CHST9: variants seen among roughly 807,000 people sequenced by gnomAD.
The protein encoded by CHST9 is GalNAc-4-sulfotransferase 2.
A neutral mutation model predicts 44.4 loss-of-function variants in CHST9; 41 were observed. The ratio of observed to expected loss-of-function variants is 0.92; its 90% CI spans 0.72 to 1.20. The LOEUF is 1.20. Ranked by LOEUF, CHST9 falls within the 50% of genes most tolerant of loss-of-function variation. CHST9 has a pLI of 0.00. For synonymous variants in CHST9, 171 were observed against 178.4 expected (o/e 0.96, Z 0.33); for missense variants, 504 against 516.5 (o/e 0.98, Z 0.23).
chr18:27,103,383 C>T (rs2058191839), intron 2 of CHST9, among the ~76,000 whole-genome samples: 2 of 152,196 alleles, frequency 1.3e-5, no homozygotes, highest in South Asian at 4.1e-4. Context: ...ACAGGCAGTG[C>T]CTCTGGTTTA....
intron 2 of CHST9, among the ~76,000 whole-genome samples, chr18:27,051,945 C>T (rs1049456306): frequency 6.6e-6 from 1 of 152,074 alleles, no homozygotes; most frequent in Non-Finnish European, 1.5e-5. Flanking sequence ...CTCTGGAATG[C>T]TATGAGGATG....
intron 2 of CHST9, among the ~76,000 whole-genome samples, chr18:27,105,614 T>C (rs932630519): frequency 6.6e-6 from 1 of 152,284 alleles, no homozygotes; most frequent in East Asian, 1.9e-4. Context: ...TGCAATGAAT[T>C]ACACCTCTTT....
At chr18:27,057,214 T>G (rs1451664044) in intron 2 of CHST9, among the ~76,000 whole-genome samples, 1 of 152,214 alleles carries the variant, frequency 6.6e-6, no homozygotes, top group Non-Finnish European at 1.5e-5. Context: ...GATAGGTAAA[T>G]GCTATCTTTC....
At position 26,917,153 on chromosome 18, in the gene CHST9, G is replaced by T. The variant is rs1450887395; in HGVS notation, c.438C>A (p.Phe146Leu). 4.3e-6 allele frequency: 7 copies of T among 1,613,878 alleles called. No individual in the cohort carries two copies. Among genetic ancestry groups the T allele is most frequent in the Non-Finnish European group, 5.9e-6 (7 of 1,179,850 alleles). Residue 146 changes from phenylalanine to leucine, a missense_variant, in exon 6 of 6, where the codon TTC becomes TTA. Physicochemically the swap from Phe to Leu is conservative, Grantham distance 22. Transcript: ENST00000618847. ...TGTCCACTGGCCAATTCATGTTGCTGAACTTGTTAAAAACAGTCTTAGCTC... is the reference window on the plus strand; with the variant it reads ...TGTCCACTGGCCAATTCATGTTGCTTAACTTGTTAAAAACAGTCTTAGCTC... The part of the protein sequence containing the change: ...RQGAKTVFNK[F>L]SNMNWPVDIH...
chr18:27,161,961 G>T (rs940504004), intron 1 of CHST9, among the ~76,000 whole-genome samples: 1 of 151,464 alleles, frequency 6.6e-6, no homozygotes, highest in Non-Finnish European at 1.5e-5. Context: ...CATTTGCTTG[G>T]TAGATCTTCC....
intron 5 of CHST9, among the ~76,000 whole-genome samples, chr18:26,943,249 C>T (rs1242119379): frequency 2.6e-5 from 4 of 152,172 alleles, no homozygotes; most frequent in Admixed American, 2.0e-4. Context: ...TATTTAAAAA[C>T]AAAATGGCAC....
chr18:27,059,758 C>T (rs547580318), intron 2 of CHST9, among the ~76,000 whole-genome samples: 1 of 152,252 alleles, frequency 6.6e-6, no homozygotes, highest in South Asian at 2.1e-4. Context: ...GATGTCAGTA[C>T]AGGTTTTAAT....
At chr18:27,011,042 T>C (rs756900241) in intron 4 of CHST9, among the ~76,000 whole-genome samples, 9 of 152,080 alleles carry the variant, frequency 5.9e-5, no homozygotes, top group Non-Finnish European at 1.2e-4. Flanking sequence ...TGATTTCTGA[T>C]ATGCAGCCAA....
chr18:26,970,023 C>T (rs780049965), intron 4 of CHST9, among the ~76,000 whole-genome samples: 1 of 152,142 alleles, frequency 6.6e-6, no homozygotes, highest in Non-Finnish European at 1.5e-5. Context: ...ATTGGTAGGT[C>T]CAGAGCACCT....
intron 4 of CHST9, 25 bp from the exon 5 acceptor site, chr18:26,944,391 T>A (rs1315008431): frequency 1.3e-6 from 2 of 1,560,650 alleles, no homozygotes; most frequent in Non-Finnish European, 1.8e-6. Context: ...AAAAAGAATT[T>A]TTACATTAAA....
At chr18:27,090,166 T>A (rs12969936) in intron 2 of CHST9, among the ~76,000 whole-genome samples, 51,989 of 152,026 alleles carry the variant, frequency 0.34, 9,339 homozygotes, top group Non-Finnish European at 0.4. Flanking sequence ...TATCTCATTG[T>A]GGTTTTGATT....
intron 2 of CHST9, among the ~76,000 whole-genome samples, chr18:27,088,179 G>A (rs1456157110): frequency 2.0e-5 from 3 of 152,100 alleles, no homozygotes; most frequent in African/African-American, 4.8e-5. Context: ...AATGAGAGGG[G>A]AATTTACATA....
At chr18:27,043,368 T>C (rs2057466160) in intron 3 of CHST9, among the ~76,000 whole-genome samples, 1 of 151,998 alleles carries the variant, frequency 6.6e-6, no homozygotes, top group African/African-American at 2.4e-5. Context: ...CAAAATTCTG[T>C]CCCCATATCA....
chr18:27,041,985 T>C (rs911557066), intron 3 of CHST9, among the ~76,000 whole-genome samples: 2 of 152,056 alleles, frequency 1.3e-5, no homozygotes, highest in South Asian at 4.2e-4. Flanking sequence ...AAAAATAGAC[T>C]TCATTAACAT....
chr18:27,058,466 G>A (rs1001276425), intron 2 of CHST9, among the ~76,000 whole-genome samples: 1 of 152,138 alleles, frequency 6.6e-6, no homozygotes, highest in East Asian at 1.9e-4. Flanking sequence ...TACCCAGTCG[G>A]ATACAGCAGA....
At chr18:26,931,973 T>A (rs1203714803) in intron 5 of CHST9, among the ~76,000 whole-genome samples, 1 of 152,118 alleles carries the variant, frequency 6.6e-6, no homozygotes. Flanking sequence ...CTCGGTGACA[T>A]CACATCTGTA....
intron 2 of CHST9, among the ~76,000 whole-genome samples, chr18:27,053,173 G>C (rs2143579690): frequency 6.2e-5 from 9 of 146,176 alleles, no homozygotes; most frequent in African/African-American, 2.3e-4. Context: ...AGAAGAAGAA[G>C]AAGAAGAAGA....
At chr18:27,043,244 A>ATATCCAGGGCTTCAACTCT (rs2057464966) in intron 3 of CHST9, among the ~76,000 whole-genome samples, 1 of 152,066 alleles carries the variant, frequency 6.6e-6, no homozygotes, top group South Asian at 2.1e-4. Flanking sequence ...GAGCTCATTC[A>ATATCCAGGGCTTCAACTCT]TATCCAGGGC....
In CHST9 at chr18:26,973,502, C is replaced by G. The variant is rs187004236; in HGVS notation, c.203-29136G>C. Among the ~76,000 whole-genome samples the G allele has an allele frequency of 2.6e-5, 4 of 152,348 alleles. No individual in the cohort carries two copies. The East Asian group carries it at 7.7e-4, about 29-fold the overall frequency. On this transcript the variant is annotated intron_variant, in intron 4 of 5. Transcript: ENST00000618847. Reference sequence around the variant, plus strand: ...AGATCAAGCTTATCCAACCTGCGGCCTGCAGGCGGCATGCGGCCCAGAATG... The same window carrying G: ...AGATCAAGCTTATCCAACCTGCGGCGTGCAGGCGGCATGCGGCCCAGAATG...
Sources: allele counts gnomAD v4.1 joint callset (sites outside exome capture counted in the v4.1 genomes callset), GRCh38; gene constraint gnomAD v4.1.1; transcripts MANE v1.5; gene names NCBI Gene and HGNC (gene_info 2026-07-23, HGNC 2026-07-21).